ATE1: variants seen among roughly 807,000 people sequenced by gnomAD.
ATE1 encodes arginyltransferase 1.
A neutral mutation model predicts 70.5 loss-of-function variants in ATE1; 36 were observed. That is an observed-to-expected ratio of 0.51 (90% CI 0.39 to 0.67). The LOEUF is 0.67. Among genes scored for constraint, ATE1 ranks in the 30% least tolerant of loss-of-function variants. The pLI is 0.00. For synonymous variants in ATE1, 232 were observed against 219.3 expected, an observed-to-expected ratio of 1.06 and a Z score of -0.51; for missense variants, 593 against 629.5, an observed-to-expected ratio of 0.94 and a Z score of 0.62.
intron 10 of ATE1, among the ~76,000 whole-genome samples, chr10:121,804,722 CT>C (rs148382329): frequency 0.061 from 8,111 of 133,834 alleles, 480 homozygotes; most frequent in East Asian, 0.23. Context: ...ATTCTAGCAA[CT>C]TTTTTTTTTT....
At chr10:121,825,081 T>A (rs941448098) in intron 10 of ATE1, among the ~76,000 whole-genome samples, 6 of 151,782 alleles carry the variant, frequency 4.0e-5, no homozygotes, top group African/African-American at 1.4e-4. Context: ...AAGAATGGAT[T>A]AATTTTAAAA....
At chr10:121,887,177 G>T (rs905967327) in intron 7 of ATE1, among the ~76,000 whole-genome samples, 1 of 150,870 alleles carries the variant, frequency 6.6e-6, no homozygotes, top group Non-Finnish European at 1.5e-5. Flanking sequence ...AAGGGTTCTC[G>T]ATCTACACCA....
At chr10:121,817,929 T>G (rs1947624357) in intron 10 of ATE1, among the ~76,000 whole-genome samples, 1 of 152,152 alleles carries the variant, frequency 6.6e-6, no homozygotes, top group Admixed American at 6.5e-5. Context: ...CCCTAGATCT[T>G]TAAATTTTAC....
chr10:121,816,726 C>T (rs1050274693), intron 10 of ATE1, among the ~76,000 whole-genome samples: 1 of 152,138 alleles, frequency 6.6e-6, no homozygotes, highest in African/African-American at 2.4e-5. Flanking sequence ...TATAAATTAC[C>T]CAGTCTCAGG....
intron 11 of ATE1, among the ~76,000 whole-genome samples, chr10:121,786,540 G>A (rs1266705057): frequency 6.6e-6 from 1 of 151,870 alleles, no homozygotes; most frequent in African/African-American, 2.4e-5. Flanking sequence ...ATGGTGATGT[G>A]CACCTGTAGT....
intron 8 of ATE1, among the ~76,000 whole-genome samples, chr10:121,855,673 T>C (rs990388829): frequency 3.9e-5 from 6 of 152,310 alleles, no homozygotes; most frequent in African/African-American, 1.4e-4. Context: ...CTCTGTAAAA[T>C]TGATTTACAG....
At chr10:121,900,040 T>C (rs766849302) in intron 6 of ATE1, 46 bp from the exon 7 acceptor site, 1 of 1,605,094 alleles carries the variant, frequency 6.2e-7, no homozygotes, top group Non-Finnish European at 8.5e-7. Context: ...CATTCATTTA[T>C]TCATTCTGTG....
At chr10:121,832,748 C>T (rs1037396656) in intron 10 of ATE1, among the ~76,000 whole-genome samples, 5 of 152,200 alleles carry the variant, frequency 3.3e-5, no homozygotes, top group African/African-American at 9.7e-5. Flanking sequence ...ATATCTTTAT[C>T]AGCAGCGTGA....
chr10:121,870,125 A>G, intron 7 of ATE1, 87 bp from the exon 8 acceptor site: 1 of 1,278,702 alleles, frequency 7.8e-7, no homozygotes, highest in Admixed American at 1.8e-5. Flanking sequence ...TTATTATACA[A>G]TTTTCCAGTA....
intron 2 of ATE1, 49 bp from the exon 3 acceptor site, chr10:121,922,460 C>G (rs1444249981): frequency 8.7e-7 from 1 of 1,152,434 alleles, no homozygotes; most frequent in African/African-American, 1.5e-5. Flanking sequence ...TTTTCACTTG[C>G]ACCAAAACAG....
At chr10:121,791,055 CGTGTGTGTGTGTGTG>C (rs1946424777) in intron 10 of ATE1, among the ~76,000 whole-genome samples, 1 of 135,870 alleles carries the variant, frequency 7.4e-6, no homozygotes, top group Non-Finnish European at 1.5e-5. Flanking sequence ...TATATGTATA[CGTGTGTGTGTGTGTG>C]TGTGTGTGTG....
intron 8 of ATE1, among the ~76,000 whole-genome samples, chr10:121,854,473 C>T (rs956172889): frequency 2.0e-5 from 3 of 152,158 alleles, no homozygotes; most frequent in African/African-American, 7.2e-5. Flanking sequence ...CTAGATGGAG[C>T]TAAGTAAATG....
chr10:121,870,580 C>T lies in ATE1; in HGVS notation c.943-542G>A, dbSNP rs117887805. 2.6e-3 allele frequency among the ~76,000 whole-genome samples: 394 copies of T among 152,250 alleles called. 1 individual carries two copies. The highest frequency in any genetic ancestry group is 8.9e-3 in the South Asian group (43 of 4,828). On this transcript the variant is annotated intron_variant, in intron 7 of 11. Transcript: ENST00000224652. ...TCTCATCTGTGGTCTTTACCATGTT[C>T]TGATCTTTCTCTTTTCTCAGTCCCA...
intron 11 of ATE1, 78 bp from the exon 12 acceptor site, chr10:121,743,936 T>TC (rs1944239523): frequency 6.4e-6 from 9 of 1,416,182 alleles, no homozygotes; most frequent in Non-Finnish European, 8.4e-6. Context: ...TTTTTTTTTT[T>TC]TTTGAGACAA....
chr10:121,789,441 G>C (rs940310123), intron 11 of ATE1, among the ~76,000 whole-genome samples: 1 of 151,626 alleles, frequency 6.6e-6, no homozygotes, highest in Non-Finnish European at 1.5e-5. Context: ...TGAGATAACA[G>C]GCACCCATCA....
At chr10:121,869,820 A>G (rs550852227) in intron 8 of ATE1, among the ~76,000 whole-genome samples, 186 bp downstream of exon 8, 3 of 152,234 alleles carry the variant, frequency 2.0e-5, no homozygotes, top group Non-Finnish European at 2.9e-5. Flanking sequence ...TGCTATTGAT[A>G]TAACTTCTAG....
chr10:121,767,153 T>A (rs1026175617), intron 11 of ATE1, among the ~76,000 whole-genome samples: 4 of 152,104 alleles, frequency 2.6e-5, no homozygotes, highest in African/African-American at 9.7e-5. Flanking sequence ...ATCCACCATA[T>A]TAACAGTTTA....
intron 8 of ATE1, among the ~76,000 whole-genome samples, chr10:121,867,567 C>G (rs1949706045): frequency 6.6e-6 from 1 of 152,130 alleles, no homozygotes; most frequent in South Asian, 2.1e-4. Flanking sequence ...GTACACCTGT[C>G]AAACACTGAT....
At chr10:121,898,500 T>G (rs1950859838) in intron 7 of ATE1, among the ~76,000 whole-genome samples, 1 of 152,156 alleles carries the variant, frequency 6.6e-6, no homozygotes, top group African/African-American at 2.4e-5. Flanking sequence ...TCTTTCCCAT[T>G]TGATTATCAA....
Sources: gnomAD v4.1 joint callset for allele counts (sites outside exome capture counted in the v4.1 genomes callset) on GRCh38, gnomAD v4.1.1 for gene constraint, MANE v1.5 for transcripts, NCBI Gene and HGNC (gene_info 2026-07-23, HGNC 2026-07-21) for gene names.